ACSBG1: variants seen among roughly 807,000 people sequenced by gnomAD.
ACSBG1 encodes long-chain-fatty-acid--CoA ligase ACSBG1.
In ACSBG1, 39 loss-of-function variants were observed where a neutral mutation model predicts 80.2. That is an observed-to-expected ratio of 0.49 (90% CI 0.38 to 0.64). The LOEUF (loss-of-function observed/expected upper bound fraction) is 0.64. Among genes scored for constraint, ACSBG1 ranks in the 30% least tolerant of loss-of-function variants. The probability of loss-of-function intolerance (pLI) is 0.00; values close to 1 mark genes in which losing one functional copy is unlikely to be tolerated. For synonymous variants in ACSBG1, 392 were observed against 379.5 expected (o/e 1.03, Z -0.38); for missense variants, 828 against 966.4 (o/e 0.86, Z 1.90).
chr15:78,230,944 G>T (rs1227838737), intron 1 of ACSBG1, among the ~76,000 whole-genome samples: 1 of 152,134 alleles, frequency 6.6e-6, no homozygotes, highest in Non-Finnish European at 1.5e-5. Flanking sequence ...CATCACAATG[G>T]TCACAACAAT....
intron 1 of ACSBG1, among the ~76,000 whole-genome samples, chr15:78,229,393 A>C (rs887203676): frequency 6.6e-6 from 1 of 152,238 alleles, no homozygotes; most frequent in South Asian, 2.1e-4. Context: ...CAGATAGTCC[A>C]TGTTTAAGGA....
chr15:78,219,151 AG>A (rs1953529354), intron 1 of ACSBG1, among the ~76,000 whole-genome samples: 1 of 152,158 alleles, frequency 6.6e-6, no homozygotes, highest in African/African-American at 2.4e-5. Flanking sequence ...GCCTGAATTT[AG>A]GTGAAGCTCT....
chr15:78,184,646 T>C (rs1287799147), intron 5 of ACSBG1, among the ~76,000 whole-genome samples: 4 of 152,252 alleles, frequency 2.6e-5, no homozygotes, highest in African/African-American at 7.2e-5. Context: ...TGAAAAGTTA[T>C]AGAAATAACA....
intron 1 of ACSBG1, among the ~76,000 whole-genome samples, chr15:78,217,716 G>T (rs1344339935): frequency 6.6e-6 from 1 of 151,978 alleles, no homozygotes; most frequent in East Asian, 1.9e-4. Flanking sequence ...ACAGGCACAC[G>T]CCACCACACC....
intron 5 of ACSBG1, among the ~76,000 whole-genome samples, chr15:78,188,194 G>C (rs2075023564): frequency 6.6e-6 from 1 of 152,038 alleles, no homozygotes; most frequent in Non-Finnish European, 1.5e-5. Flanking sequence ...ACAAATGGAA[G>C]AACATTCCAT....
At chr15:78,183,215 G>A (rs2074966889) in intron 5 of ACSBG1, among the ~76,000 whole-genome samples, 1 of 152,262 alleles carries the variant, frequency 6.6e-6, no homozygotes. Flanking sequence ...TATGCGCATA[G>A]TATGCTATAT....
rs933439788 is a variant in ACSBG1 at position 78,178,390 on chromosome 15, C to G, written c.1702+224G>C. 1.3e-5 allele frequency among the ~76,000 whole-genome samples: 2 copies of G among 152,168 alleles called. No individual in the cohort carries two copies. Among genetic ancestry groups the G allele is most frequent in the Non-Finnish European group, 2.9e-5 (2 of 68,026 alleles). The stretch of plus-strand genomic sequence containing the variant: ...CTCAGCTCACTGCAACCTCTGCCTC[C>G]CGGGTTCAAGTAATTCTCGTGCCTC... On this transcript the variant is annotated intron_variant, in intron 11 of 13. Coordinates refer to ENST00000258873, the MANE Select transcript of ACSBG1 (RefSeq NM_015162.5). The surrounding 1 kb of genome is among the most constrained non-coding windows in gnomAD (Gnocchi z 4.3).
intron 5 of ACSBG1, among the ~76,000 whole-genome samples, chr15:78,184,925 G>A (rs1165887686): frequency 6.6e-6 from 1 of 152,170 alleles, no homozygotes; most frequent in Non-Finnish European, 1.5e-5. Context: ...CCCTGAGAGA[G>A]GGAAACAGAT....
chr15:78,182,560 A>G lies in ACSBG1; in HGVS notation c.800T>C (p.Ile267Thr). The G allele has an allele frequency of 6.2e-7, 1 of 1,614,126 alleles. No homozygotes were observed. The highest frequency in any genetic ancestry group is 8.5e-7 in the Non-Finnish European group (1 of 1,179,994). The stretch of plus-strand genomic sequence containing the variant: ...CTGGTTGGGCTGCTGGGTGTCAATG[A>G]TGGCGTCCAGGGCTTCCTCAGGCAC... ...NEVPEEALDA[I>T]IDTQQPNQCC... The change falls in exon 7 of 14, where the codon ATC becomes ACC. Residue 267 changes from isoleucine (I) to threonine (T), a missense_variant. By Grantham distance (89) the Ile-to-Thr change is moderately conservative (BLOSUM62 -1). Around this residue, in one of 3 missense-constraint regions of ACSBG1, gnomAD observed 356 missense variants for 363.5 expected, o/e 0.98. Transcript: ENST00000258873.
intron 8 of ACSBG1, among the ~76,000 whole-genome samples, chr15:78,181,489 CTTTTTTTTTTTTTT>C (rs71145901): frequency 4.8e-5 from 4 of 83,036 alleles, no homozygotes; most frequent in Admixed American, 3.1e-4. Flanking sequence ...CATCAGGTTT[CTTTTTTTTTTTTTT>C]TTTTTTTTTT....
At chr15:78,214,872 A>G (rs2075295046) in intron 1 of ACSBG1, among the ~76,000 whole-genome samples, 2 of 152,230 alleles carry the variant, frequency 1.3e-5, no homozygotes, top group African/African-American at 4.8e-5. Flanking sequence ...GGTCAATGCC[A>G]GCACTCTTAA....
In ACSBG1 at chr15:78,174,423, C is replaced by T. The variant is rs1332917130; in HGVS notation, c.1804G>A (p.Asp602Asn). ...AGCATGGACAGGAACTTCCTCTGGT[C>T]CCCAATGAGCATGGCGTTGCTGATG... ...PIISNAMLIG[D>N]QRKFLSMLLT... Residue 602 changes from aspartate (D) to asparagine (N), a missense_variant, in exon 12 of 14, where the codon GAC (aspartate) becomes AAC (asparagine). Physicochemically the swap from Asp to Asn is conservative, Grantham distance 23. Transcript: ENST00000258873. The T allele has an allele frequency of 3.1e-6, 5 of 1,614,066 alleles. No homozygotes were observed. The African/African-American group carries it at 5.3e-5, about 17-fold the overall frequency.
intron 1 of ACSBG1, among the ~76,000 whole-genome samples, chr15:78,215,073 T>A (rs1431857715): frequency 2.0e-5 from 3 of 151,460 alleles, no homozygotes; most frequent in Non-Finnish European, 4.4e-5. Context: ...ACCCCAATGC[T>A]CTCTTGCTGT....
chr15:78,213,013 A>T, intron 1 of ACSBG1, among the ~76,000 whole-genome samples: 1 of 152,050 alleles, frequency 6.6e-6, no homozygotes, highest in East Asian at 1.9e-4. Flanking sequence ...CCTCCCCATC[A>T]CTTCTGGTAG....
chr15:78,217,295 C>T (rs1051406760), intron 1 of ACSBG1, among the ~76,000 whole-genome samples: 1 of 152,220 alleles, frequency 6.6e-6, no homozygotes, highest in African/African-American at 2.4e-5. Context: ...ACTATTAGCA[C>T]CCTCACTTTA....
intron 1 of ACSBG1, chr15:78,212,719 G>A (rs573977543): frequency 3.0e-5 from 12 of 398,062 alleles, no homozygotes; most frequent in South Asian, 9.0e-5. Flanking sequence ...CGGCTCCACC[G>A]GACCGCCCTG....
intron 1 of ACSBG1, among the ~76,000 whole-genome samples, chr15:78,213,229 A>C (rs1021329675): frequency 2.0e-5 from 3 of 152,178 alleles, no homozygotes; most frequent in Non-Finnish European, 4.4e-5. Context: ...TATAGTCTGC[A>C]ATGGCGATTC....
chr15:78,180,714 C>A, intron 9 of ACSBG1, 41 bp downstream of exon 9: 1 of 1,596,150 alleles, frequency 6.3e-7, no homozygotes, highest in Non-Finnish European at 8.5e-7. Flanking sequence ...ATGACCCAGC[C>A]CACTCTCTCC....
At chr15:78,186,265 C>T (rs1469194067) in intron 5 of ACSBG1, among the ~76,000 whole-genome samples, 4 of 152,114 alleles carry the variant, frequency 2.6e-5, no homozygotes, top group Non-Finnish European at 4.4e-5. Flanking sequence ...ATTAGATCAA[C>T]GAGACAGAAA....
Sources: allele counts gnomAD v4.1 joint callset (sites outside exome capture counted in the v4.1 genomes callset), GRCh38; gene constraint gnomAD v4.1.1; regional missense constraint gnomAD v4.1.1; non-coding constraint Gnocchi (gnomAD v3.1); transcripts MANE v1.5; gene names NCBI Gene and HGNC (gene_info 2026-07-23, HGNC 2026-07-21).